FMN1: variants seen among roughly 807,000 people sequenced by gnomAD.
FMN1 encodes the protein formin-1.
A neutral mutation model predicts 132.4 loss-of-function variants in FMN1; 110 were observed. The observed-to-expected ratio is 0.83, with a 90% CI of 0.71 to 0.97. The LOEUF is 0.97. FMN1 is among the 50% of genes least tolerant of loss of function. FMN1 has a pLI of 0.00. For missense variants in FMN1, 1,792 were observed against 1,705.3 expected (o/e 1.05, Z -0.90); for synonymous variants, 722 against 651.7 (o/e 1.11, Z -1.64).
At chr15:32,899,775 AG>A in intron 14 of FMN1, 1 of 588,966 alleles carries the variant, frequency 1.7e-6, no homozygotes, top group Middle Eastern at 4.5e-4. Context: ...TTGAAAATAA[AG>A]TCTAACGTGA....
At chr15:32,911,277 G>A (rs542283511) in intron 10 of FMN1, among the ~76,000 whole-genome samples, 1 of 152,266 alleles carries the variant, frequency 6.6e-6, no homozygotes, top group Admixed American at 6.5e-5. Flanking sequence ...GGCTATCGAA[G>A]TGTTTGAAAT....
intron 16 of FMN1, among the ~76,000 whole-genome samples, chr15:32,885,266 T>C (rs1390546410): frequency 6.6e-6 from 1 of 152,184 alleles, no homozygotes; most frequent in Admixed American, 6.5e-5. Flanking sequence ...ACAGTCTACA[T>C]GTGTGGTTTT....
chr15:32,872,448 A>C (rs2059538061), intron 16 of FMN1, among the ~76,000 whole-genome samples: 1 of 152,240 alleles, frequency 6.6e-6, no homozygotes. Context: ...AACACATCTT[A>C]TCCACTGCTC....
intron 16 of FMN1, among the ~76,000 whole-genome samples, chr15:32,880,176 G>C (rs542480847): frequency 9.3e-4 from 141 of 151,924 alleles, no homozygotes; most frequent in African/African-American, 3.2e-3. Context: ...CTAGCGTTTG[G>C]TGTTGACATT....
intron 4 of FMN1, among the ~76,000 whole-genome samples, chr15:33,146,693 T>C (rs1964235515): frequency 6.6e-6 from 1 of 152,076 alleles, no homozygotes; most frequent in Admixed American, 6.5e-5. Flanking sequence ...GCCACAAAGA[T>C]ACATTAGATA....
chr15:33,148,310 A>G (rs1204105609), intron 4 of FMN1, among the ~76,000 whole-genome samples: 1 of 152,182 alleles, frequency 6.6e-6, no homozygotes, highest in African/African-American at 2.4e-5. Flanking sequence ...CATAGACGTC[A>G]TTCTACCGAA....
intron 10 of FMN1, among the ~76,000 whole-genome samples, chr15:32,921,761 C>A (rs1309606508): frequency 1.3e-5 from 2 of 151,424 alleles, no homozygotes; most frequent in Non-Finnish European, 2.9e-5. Flanking sequence ...CCTCCACCTC[C>A]TACGCTCAAG....
At chr15:32,999,151 G>A (rs756257258) in intron 7 of FMN1, among the ~76,000 whole-genome samples, 28 of 152,152 alleles carry the variant, frequency 1.8e-4, no homozygotes, top group Admixed American at 3.3e-4. Flanking sequence ...AATACCATAA[G>A]GGTTTTATGA....
At chr15:33,029,042 A>G (rs1220310350) in intron 6 of FMN1, among the ~76,000 whole-genome samples, 1 of 152,238 alleles carries the variant, frequency 6.6e-6, no homozygotes, top group Non-Finnish European at 1.5e-5. Flanking sequence ...AGTAATATCT[A>G]TCTGCAAATT....
At position 33,108,560 on chromosome 15, in the gene FMN1, G is replaced by C. The variant is rs371163879; in HGVS notation, c.1868-19586C>G. On this transcript the variant is annotated intron_variant, in intron 4 of 20. Transcript: ENST00000616417. ...GAGGCCTGGAGAAACTGAACTTAAA[G>C]AGAAAAAAAGAAGAAAGTTAAAGGA... Among the ~76,000 whole-genome samples, 100 of 152,020 alleles carry C rather than the reference G, an allele frequency of 6.6e-4. 2 individuals carry two copies. In the South Asian group the frequency reaches 0.02, roughly 31 times the overall value.
intron 16 of FMN1, among the ~76,000 whole-genome samples, chr15:32,871,028 A>T (rs886680413): frequency 6.6e-6 from 1 of 152,200 alleles, no homozygotes; most frequent in South Asian, 2.1e-4. Flanking sequence ...AAAAAGGCAC[A>T]TACTGCAAGC....
intron 4 of FMN1, among the ~76,000 whole-genome samples, chr15:33,111,039 T>TAC (rs1325029840): frequency 3.9e-5 from 6 of 152,164 alleles, no homozygotes; most frequent in African/African-American, 1.4e-4. Context: ...ATGTTAGTTT[T>TAC]ACATTTTTAT....
chr15:32,842,701 C>A (rs2058770650), intron 17 of FMN1, among the ~76,000 whole-genome samples: 1 of 151,858 alleles, frequency 6.6e-6, no homozygotes, highest in African/African-American at 2.4e-5. Context: ...AGTCAAACGG[C>A]TGACATTTTT....
chr15:32,935,051 A>G (rs1360741914), intron 9 of FMN1, among the ~76,000 whole-genome samples: 2 of 150,870 alleles, frequency 1.3e-5, no homozygotes, highest in Non-Finnish European at 2.9e-5. Context: ...CCTCCTGAGT[A>G]CCTGAGATTA....
At chr15:32,934,598 C>CTTT (rs376553575) in intron 9 of FMN1, among the ~76,000 whole-genome samples, 5 of 127,098 alleles carry the variant, frequency 3.9e-5, no homozygotes, top group African/African-American at 9.0e-5. Context: ...AATTTTTTTC[C>CTTT]TTTTTTTTTT....
At chr15:33,027,634 T>C (rs12595089) in intron 6 of FMN1, among the ~76,000 whole-genome samples, 40,225 of 152,084 alleles carry the variant, frequency 0.26, 5,644 homozygotes, top group Non-Finnish European at 0.31. Context: ...TTTAGCTTTG[T>C]TTTTCCCCCA....
intron 10 of FMN1, among the ~76,000 whole-genome samples, chr15:32,914,748 G>T (rs1208496386): frequency 6.6e-6 from 1 of 152,224 alleles, no homozygotes; most frequent in South Asian, 2.1e-4. Context: ...TAGTGACATT[G>T]CTAACTAGCT....
Position 32,927,201 on chromosome 15 carries a change from TTTG to T in FMN1, c.3139-943_3139-941del, listed in dbSNP as rs202120083. ...TCTGTTTCAGAGAGGTTACTTCCTATTTGTTATTATTAATATAAACAATATAAT... is the reference window on the plus strand; with the variant it reads ...TCTGTTTCAGAGAGGTTACTTCCTATTTATTATTAATATAAACAATATAAT... On this transcript the variant is annotated intron_variant, in intron 9 of 20. Transcript: ENST00000616417. Among the ~76,000 whole-genome samples the T allele has an allele frequency of 1.1e-3, 170 of 152,316 alleles. 1 individual carries two copies. The highest frequency in any genetic ancestry group is 3.9e-3 in the African/African-American group (164 of 41,578).
rs1964532019 is a variant in FMN1, at chr15:33,153,460, G to C, written c.1455C>G (p.Pro485=). Residue 485 remains proline (P), a synonymous_variant, in exon 4 of 21, where the codon CCC becomes CCG. Transcript: ENST00000616417. Reference sequence around the variant, plus strand: ...GGGATGGCTTCTTCTTATCACCTCTGGGTTGTGAGGAGTCAGGACCTACTT... The same window carrying C: ...GGGATGGCTTCTTCTTATCACCTCTCGGTTGTGAGGAGTCAGGACCTACTT... ...PHKVGPDSSQ[P]RGDKKKPSPP... is the part of the protein sequence containing the mutation. 6.5e-7 allele frequency: 1 copy of C among 1,536,720 alleles called. No homozygotes were observed. Among genetic ancestry groups the C allele is most frequent in the Non-Finnish European group, 8.7e-7 (1 of 1,147,032 alleles).
Sources: allele counts gnomAD v4.1 joint callset (sites outside exome capture counted in the v4.1 genomes callset), GRCh38; gene constraint gnomAD v4.1.1; transcripts MANE v1.5; gene names NCBI Gene and HGNC (gene_info 2026-07-23, HGNC 2026-07-21).